PSG2: variants seen among roughly 807,000 people sequenced by gnomAD.
PSG2 encodes pregnancy-specific beta-1-glycoprotein 2.
PSG2 carries 49 observed loss-of-function variants against 36.2 expected under a neutral mutation model. The observed-to-expected ratio is 1.35, with a 90% CI of 1.08 to 1.72. PSG2 has a LOEUF of 1.72. Among genes scored for constraint, PSG2 ranks in the 40% most tolerant of loss-of-function variants. The pLI, the probability that PSG2 is intolerant of heterozygous loss-of-function variation, is 0.00. For synonymous variants in PSG2, 261 were observed against 155.6 expected, an observed-to-expected ratio of 1.68 and a Z score of -5.04; for missense variants, 605 against 407.2, an observed-to-expected ratio of 1.49 and a Z score of -4.18.
chr19:43,071,862 G>T lies in PSG2; in HGVS notation c.802C>A (p.Pro268Thr), dbSNP rs141385747. The T allele has an allele frequency of 6.2e-7, 1 of 1,613,142 alleles. No individual in the cohort carries two copies. Among genetic ancestry groups the T allele is most frequent in the Non-Finnish European group, 8.5e-7 (1 of 1,179,600 alleles). ...YLSCFANSNP[P>T]AQYSWTINGK... ...TTAATTGTCCAAGAATACTGTGCCG[G>T]TGGGTTAGAGTTCGCGAAGCAAGAC... is the stretch of plus-strand genomic sequence containing the variant. The change falls in exon 4 of 6, where the codon CCG becomes ACG. Residue 268 changes from proline to threonine, a missense_variant. Coordinates refer to ENST00000406487, the MANE Select transcript of PSG2 (RefSeq NM_031246.4).
chr19:43,072,632 G>A (rs187361624), intron 3 of PSG2: 2 of 1,611,288 alleles, frequency 1.2e-6, no homozygotes, highest in Non-Finnish European at 1.7e-6. Flanking sequence ...CAGCTTCGCT[G>A]TGTGGATAAC....
chr19:43,068,525 T>C (rs1223005981), intron 4 of PSG2, among the ~76,000 whole-genome samples: 1 of 149,226 alleles, frequency 6.7e-6, no homozygotes, highest in Admixed American at 6.6e-5. Flanking sequence ...TCTAATAAAA[T>C]AATGATTATG....
intron 3 of PSG2, among the ~76,000 whole-genome samples, chr19:43,073,568 A>AACAATATTTTCT (rs1967849414): frequency 6.6e-6 from 1 of 151,770 alleles, no homozygotes; most frequent in Non-Finnish European, 1.5e-5. Flanking sequence ...ATTTTCTTTC[A>AACAATATTTTCT]TTGAACAATC....
chr19:43,077,584 C>T (rs150996693), intron 2 of PSG2, among the ~76,000 whole-genome samples: 6 of 151,654 alleles, frequency 4.0e-5, no homozygotes, highest in Non-Finnish European at 7.4e-5. Context: ...CTTATGAAAA[C>T]GGCATCATCA....
rs562208467 is a variant in PSG2, at chr19:43,078,366, C to A, written c.430+2515G>T. 2.6e-5 allele frequency among the ~76,000 whole-genome samples: 4 copies of A among 151,722 alleles called. No homozygotes were observed. The South Asian group carries it at 8.3e-4, about 31-fold the overall frequency. On this transcript the variant is annotated intron_variant, in intron 2 of 5. Coordinates refer to ENST00000406487, the MANE Select transcript of PSG2 (RefSeq NM_031246.4). ...AATTGTTGTCACAGTTTCTATAATCCCTGACTGCTCCAATGTCATTTGGCT... is the reference window on the plus strand; with the variant it reads ...AATTGTTGTCACAGTTTCTATAATCACTGACTGCTCCAATGTCATTTGGCT...
chr19:43,072,249 A>G, intron 3 of PSG2: 1 of 1,539,014 alleles, frequency 6.5e-7, no homozygotes, highest in Non-Finnish European at 8.8e-7. Context: ...GATGTCCAGA[A>G]GTAAAGTTGT....
At chr19:43,064,673 G>T (rs1448789009) in intron 5 of PSG2, 72 bp from the exon 6 acceptor site, 1 of 536,538 alleles carries the variant, frequency 1.9e-6, no homozygotes, top group Non-Finnish European at 3.5e-6. Flanking sequence ...CAACTGTCTG[G>T]GAATGACAGA....
At position 43,071,984 on chromosome 19, in the gene PSG2, A is replaced by C. The variant is rs775723311; in HGVS notation, c.710-30T>G. 14 of 1,606,568 alleles carry C rather than the reference A, an allele frequency of 8.7e-6. 1 individual carries two copies. In the Admixed American group the frequency reaches 2.3e-4, roughly 27 times the overall value. ...AGCAAAGAGAATAAAGCCACAGGTG[A>C]TGCCATCTGAGGGAAGGGGATGCTC... On this transcript the variant is annotated intron_variant, in intron 3 of 5. Coordinates refer to ENST00000406487, the MANE Select transcript of PSG2 (RefSeq NM_031246.4).
intron 3 of PSG2, chr19:43,072,726 C>T (rs1967837431): frequency 2.6e-6 from 4 of 1,550,778 alleles, no homozygotes; most frequent in Non-Finnish European, 3.5e-6. Flanking sequence ...CCTCTCAGCC[C>T]ACCTGAGTCC....
In PSG2 at chr19:43,071,760, A is replaced by G. The variant is rs771252576; in HGVS notation, c.904T>C (p.Ser302Pro). 3 of 1,612,786 alleles carry G rather than the reference A, an allele frequency of 1.9e-6. No individual in the cohort carries two copies. The highest frequency in any genetic ancestry group is 2.5e-6 in the Non-Finnish European group (3 of 1,179,374). The change falls in exon 4 of 6, where the codon TCT (serine) becomes CCT (proline). Residue 302 changes from serine to proline, a missense_variant. Ser to Pro is a moderately conservative substitution (Grantham distance 74). Transcript: ENST00000406487. ...TCGCCAGTGGCTGAGTTACGAACAG[A>G]GCAAACATAGAGCCCGCTATGCTTT... ...TTKHSGLYVC[S>P]VRNSATGEES...
At chr19:43,078,566 T>C (rs1236421805) in intron 2 of PSG2, among the ~76,000 whole-genome samples, 1 of 151,604 alleles carries the variant, frequency 6.6e-6, no homozygotes, top group Non-Finnish European at 1.5e-5. Context: ...AGAGGCGGAT[T>C]CCAGCACAAA....
At position 43,082,493 on chromosome 19, in the gene PSG2, G is replaced by T. The variant is rs754795833; in HGVS notation, c.64+13C>A. 1.9e-6 allele frequency: 3 copies of T among 1,610,210 alleles called. No individual in the cohort carries two copies. The highest frequency in any genetic ancestry group is 1.7e-5 in the Admixed American group (1 of 59,890). ...TCCTCCTCCTGTCCTCTCCCAGGAAGTTCTCTCCTCACCTGTGACCAGGAG... is the reference window on the plus strand; with the variant it reads ...TCCTCCTCCTGTCCTCTCCCAGGAATTTCTCTCCTCACCTGTGACCAGGAG... On this transcript the variant is annotated intron_variant, in intron 1 of 5. Coordinates refer to ENST00000406487, the MANE Select transcript of PSG2 (RefSeq NM_031246.4).
chr19:43,074,595 G>A (rs1967864665), intron 3 of PSG2, among the ~76,000 whole-genome samples: 1 of 151,532 alleles, frequency 6.6e-6, no homozygotes, highest in Non-Finnish European at 1.5e-5. Context: ...CCTGTCCTGG[G>A]GTTTTGATTT....
rs545864086 is a variant in PSG2 at position 43,071,236 on chromosome 19, T to C, written c.964+464A>G. Among the ~76,000 whole-genome samples the C allele has an allele frequency of 2.1e-4, 32 of 151,360 alleles. 1 individual carries two copies. The highest frequency in any genetic ancestry group is 3.7e-4 in the Non-Finnish European group (25 of 67,856). The stretch of plus-strand genomic sequence containing the variant: ...GCCCAGAGCAGAGCAGGAAGCAGAG[T>C]CTGAGCTGCTCCTCCCTCACCCAAG... On this transcript the variant is annotated intron_variant, in intron 4 of 5. Transcript: ENST00000406487.
intron 5 of PSG2, among the ~76,000 whole-genome samples, chr19:43,065,269 C>G (rs1222275398): frequency 6.6e-6 from 1 of 151,538 alleles, no homozygotes; most frequent in Non-Finnish European, 1.5e-5. Flanking sequence ...GCTTCTGTTT[C>G]TCAAGAGGAT....
chr19:43,068,424 A>T (rs1967771294), intron 4 of PSG2, among the ~76,000 whole-genome samples: 1 of 150,008 alleles, frequency 6.7e-6, no homozygotes, highest in Admixed American at 6.6e-5. Flanking sequence ...GGGCTGGCCT[A>T]CAGAGTGACA....
chr19:43,082,417 C>T lies in PSG2; in HGVS notation c.64+89G>A, dbSNP rs887874719. The T allele has an allele frequency of 3.6e-5, 56 of 1,563,564 alleles. No homozygotes were observed. In the East Asian group the frequency reaches 4.1e-4, roughly 11 times the overall value. The stretch of plus-strand genomic sequence containing the variant: ...AGCCTCCCTAAGTGCTGGCTTCTTT[C>T]ATTTTTTAGAACCCCATCCTCTCCA... On this transcript the variant is annotated intron_variant, in intron 1 of 5. Transcript: ENST00000406487.
At chr19:43,065,002 T>C (rs1327115709) in intron 5 of PSG2, among the ~76,000 whole-genome samples, 1 of 151,606 alleles carries the variant, frequency 6.6e-6, no homozygotes, top group African/African-American at 2.4e-5. Context: ...CGGCTAATTT[T>C]GTTTTTGCAT....
At position 43,071,492 on chromosome 19, in the gene PSG2, C is replaced by A. The variant is rs111812640; in HGVS notation, c.964+208G>T. On this transcript the variant is annotated intron_variant, in intron 4 of 5. Coordinates refer to ENST00000406487, the MANE Select transcript of PSG2 (RefSeq NM_031246.4). ...ATGACCCCTCCCTACCTTTCTCAGGCGAGACACAAGGTCAGCCATGAGAAA... is the reference window on the plus strand; with the variant it reads ...ATGACCCCTCCCTACCTTTCTCAGGAGAGACACAAGGTCAGCCATGAGAAA... 8.5e-3 allele frequency among the ~76,000 whole-genome samples: 1,282 copies of A among 151,600 alleles called. 59 individuals are homozygous for A. Among genetic ancestry groups the A allele is most frequent in the African/African-American group, 0.03 (1,231 of 41,062 alleles).
Sources: allele counts gnomAD v4.1 joint callset (sites outside exome capture counted in the v4.1 genomes callset), GRCh38; gene constraint gnomAD v4.1.1; transcripts MANE v1.5; gene names NCBI Gene and HGNC (gene_info 2026-07-23, HGNC 2026-07-21).